Variants in SNIP1 observed in about 807,000 individuals in gnomAD.
The protein encoded by SNIP1 is Smad nuclear interacting protein 1.
A neutral mutation model predicts 37.4 loss-of-function variants in SNIP1; 23 were observed. The ratio of observed to expected loss-of-function variants is 0.61; its 90% CI spans 0.44 to 0.87. The LOEUF (loss-of-function observed/expected upper bound fraction) is 0.87, where lower values mean the gene tolerates loss of function less well. Ranked by LOEUF, SNIP1 falls within the 40% of genes least tolerant of loss-of-function variation. The probability of loss-of-function intolerance (pLI) is 0.00; values close to 1 mark genes in which losing one functional copy is unlikely to be tolerated. For missense variants in SNIP1, 459 were observed against 540.4 expected, an observed-to-expected ratio of 0.85 and a Z score of 1.49; for synonymous variants, 174 against 200.0, an observed-to-expected ratio of 0.87 and a Z score of 1.10.
chr1:37,550,489 C>T (rs1222839846), intron 2 of SNIP1, among the ~76,000 whole-genome samples: 3 of 149,384 alleles, frequency 2.0e-5, no homozygotes, highest in Non-Finnish European at 4.5e-5. Flanking sequence ...GGTGAATCAC[C>T]AGAGGTCAGG....
Position 37,538,017 on chromosome 1 carries a change from C to T in SNIP1, c.927-5G>A. The stretch of plus-strand genomic sequence containing the variant: ...GCACGGGTATATTCCACAAGCCTAG[C>T]AGAAAAAAAGGAGAAACCTGTGAGC... On this transcript the variant is annotated splice_polypyrimidine_tract_variant and splice_region_variant and intron_variant, in intron 3 of 3. Transcript: ENST00000296215. The T allele has an allele frequency of 6.3e-7, 1 of 1,576,494 alleles. No homozygotes were observed. Among genetic ancestry groups the T allele is most frequent in the East Asian group, 2.2e-5 (1 of 44,570 alleles).
rs1202288533 is a variant in SNIP1, at chr1:37,540,573, C to G, written c.510G>C (p.Gln170His). The G allele has an allele frequency of 3.7e-6, 6 of 1,614,136 alleles. No individual in the cohort carries two copies. The highest frequency in any genetic ancestry group is 5.1e-6 in the Non-Finnish European group (6 of 1,180,032). ...GQGQGRDRDT[Q>H]NLQAQEEERE... is the part of the protein sequence containing the mutation. ...GCTCTTCTTCCTGAGCCTGCAGGTT[C>G]TGAGTGTCTCGATCCCGTCCCTGAC... Residue 170 changes from glutamine (Q) to histidine (H), a missense_variant, in exon 3 of 4, where the codon CAG (glutamine) becomes CAC (histidine). Physicochemically the swap from Gln to His is conservative, Grantham distance 24. Coordinates refer to ENST00000296215, the MANE Select transcript of SNIP1 (RefSeq NM_024700.4). This position sits in a 1 kb window ranked among gnomAD's most constrained non-coding sequence, Gnocchi z 5.6.
intron 2 of SNIP1, among the ~76,000 whole-genome samples, chr1:37,542,847 G>A (rs919051310): frequency 1.3e-5 from 2 of 152,134 alleles, no homozygotes; most frequent in African/African-American, 4.8e-5. Flanking sequence ...GGAAGCCAAG[G>A]CAGGAGAACT....
chr1:37,553,333 C>T (rs1326923831), intron 1 of SNIP1, among the ~76,000 whole-genome samples: 1 of 152,200 alleles, frequency 6.6e-6, no homozygotes, highest in Non-Finnish European at 1.5e-5. Flanking sequence ...GTCCTCCTCC[C>T]TCTTCTCTCC....
intron 3 of SNIP1, among the ~76,000 whole-genome samples, chr1:37,539,409 A>G (rs1643141076): frequency 2.6e-5 from 4 of 152,118 alleles, no homozygotes. Flanking sequence ...AGACCATGTT[A>G]AAAAACAAAC....
chr1:37,546,682 A>C (rs1444798296), intron 2 of SNIP1, among the ~76,000 whole-genome samples: 5 of 152,170 alleles, frequency 3.3e-5, no homozygotes, highest in Admixed American at 3.3e-4. Flanking sequence ...TCAAAAAAAA[A>C]GAGAAAGAAA....
chr1:37,552,231 G>A (rs754142677), intron 2 of SNIP1, among the ~76,000 whole-genome samples: 22 of 152,202 alleles, frequency 1.4e-4, no homozygotes, highest in Non-Finnish European at 2.9e-4. Context: ...GATAAAAGTG[G>A]GAGATAAGTG....
At chr1:37,553,915 C>A in intron 1 of SNIP1, 91 bp downstream of exon 1, 3 of 1,332,846 alleles carry the variant, frequency 2.3e-6, no homozygotes, top group Non-Finnish European at 3.1e-6. Flanking sequence ...CTGCTGCGCC[C>A]ACCATTCAAA....
rs1643069151 is a variant in SNIP1, at chr1:37,535,016, G to A, written c.*2732C>T. 1 of 148,252 alleles carries A rather than the reference G, an allele frequency of 6.7e-6. No individual in the cohort carries two copies. Among genetic ancestry groups the A allele is most frequent in the Non-Finnish European group, 1.5e-5 (1 of 67,410 alleles). The allele number at this position is 148,252 out of a possible 1,614,324, so 9.2% of individuals were successfully genotyped here. A position where few individuals can be genotyped will look rare whatever the true frequency, so the allele number is the denominator to read the frequency against. On this transcript the variant is annotated 3_prime_UTR_variant, in exon 4 of 4. Coordinates refer to ENST00000296215, the MANE Select transcript of SNIP1 (RefSeq NM_024700.4). ...ATATCTGGCTTTAGAGGCAGGTAATGTCTTTTGACACCCTTTCTTCAAAGA... is the reference window on the plus strand; with the variant it reads ...ATATCTGGCTTTAGAGGCAGGTAATATCTTTTGACACCCTTTCTTCAAAGA...
Position 37,536,175 on chromosome 1 carries a change from A to C in SNIP1, c.*1573T>G, listed in dbSNP as rs1349744520. 6.6e-6 allele frequency: 1 copy of C among 152,212 alleles called. No individual in the cohort carries two copies. Among genetic ancestry groups the C allele is most frequent in the Admixed American group, 6.5e-5 (1 of 15,276 alleles). 9.4% of individuals were successfully genotyped at this position (152,212 alleles called of 1,614,324 possible). Reference sequence around the variant, plus strand: ...TGTTCACTTTTCAAAGGATCTTTTAACTTCTTCTGAATGAACATTAGTCAG... The same window carrying C: ...TGTTCACTTTTCAAAGGATCTTTTACCTTCTTCTGAATGAACATTAGTCAG... On this transcript the variant is annotated 3_prime_UTR_variant, in exon 4 of 4. Transcript: ENST00000296215.
At chr1:37,544,234 C>T (rs894905953) in intron 2 of SNIP1, among the ~76,000 whole-genome samples, 5 of 151,394 alleles carry the variant, frequency 3.3e-5, no homozygotes, top group Non-Finnish European at 1.5e-5. Flanking sequence ...ATCACAAGGT[C>T]AGGAGTTCAA....
At chr1:37,545,768 G>C (rs1230363629) in intron 2 of SNIP1, among the ~76,000 whole-genome samples, 1 of 151,194 alleles carries the variant, frequency 6.6e-6, no homozygotes, top group Non-Finnish European at 1.5e-5. Context: ...GACCAGCCTG[G>C]GTAACATAGT....
chr1:37,541,902 C>T (rs1643178844), intron 2 of SNIP1, among the ~76,000 whole-genome samples: 1 of 152,182 alleles, frequency 6.6e-6, no homozygotes, highest in African/African-American at 2.4e-5. Context: ...GTATGAGGTA[C>T]AACAGCAAAA....
In SNIP1 at chr1:37,540,262, T is replaced by C. The variant is rs1643157349; in HGVS notation, c.821A>G (p.Tyr274Cys). The C allele has an allele frequency of 1.2e-6, 2 of 1,614,038 alleles. No individual in the cohort carries two copies. The highest frequency in any genetic ancestry group is 1.3e-5 in the African/African-American group (1 of 74,896). Residue 274 changes from tyrosine (Y) to cysteine (C), a missense_variant, in exon 3 of 4, where the codon TAC becomes TGC. Tyr to Cys is a radical substitution (Grantham distance 194). Transcript: ENST00000296215. This position sits in a 1 kb window ranked among gnomAD's most constrained non-coding sequence, Gnocchi z 5.6. ...FKNDEVLPVM[Y>C]IHRQSAYLLG... ...TAGGTACGCACTCTGTCGATGTATGTACATGACTGGAAGCACCTCATCATT... is the reference window on the plus strand; with the variant it reads ...TAGGTACGCACTCTGTCGATGTATGCACATGACTGGAAGCACCTCATCATT...
chr1:37,541,780 G>A (rs1013386386), intron 2 of SNIP1, among the ~76,000 whole-genome samples: 1 of 151,842 alleles, frequency 6.6e-6, no homozygotes, highest in African/African-American at 2.4e-5. Context: ...GGATAGTACC[G>A]AACCTGACTG....
In SNIP1 at chr1:37,554,103, G is replaced by A; in HGVS notation, c.127C>T (p.His43Tyr). 6.2e-7 allele frequency: 1 copy of A among 1,611,840 alleles called. No individual in the cohort carries two copies. Among genetic ancestry groups the A allele is most frequent in the Non-Finnish European group, 8.5e-7 (1 of 1,179,258 alleles). Residue 43 changes from histidine to tyrosine, a missense_variant, in exon 1 of 4, where the codon CAC (histidine) becomes TAC (tyrosine). Coordinates refer to ENST00000296215, the MANE Select transcript of SNIP1 (RefSeq NM_024700.4). ...CCACCGGAGTGGTCCGGACGGCGGT[G>A]GGCGGGAGGTGCGACTTCTGGGCTG... ...RLSPEVAPPAHRRPDHSGGSP... is the reference protein window; with the variant it reads ...RLSPEVAPPAYRRPDHSGGSP...
chr1:37,545,843 G>C (rs1206737317), intron 2 of SNIP1, among the ~76,000 whole-genome samples: 1 of 151,974 alleles, frequency 6.6e-6, no homozygotes, highest in East Asian at 1.9e-4. Flanking sequence ...AAAAATTTAG[G>C]TGACTCCACA....
At chr1:37,541,294 C>A (rs560243136) in intron 2 of SNIP1, 3 of 152,122 alleles carry the variant, frequency 2.0e-5, no homozygotes, top group Admixed American at 6.6e-5. Flanking sequence ...TGTAAAAATT[C>A]ATTAAAATAA....
chr1:37,550,699 C>T (rs997945234), intron 2 of SNIP1, among the ~76,000 whole-genome samples: 3 of 150,546 alleles, frequency 2.0e-5, no homozygotes, highest in Non-Finnish European at 4.4e-5. Context: ...AAGAGTGAAA[C>T]TCCGTCTCAA....
Sources: allele counts gnomAD v4.1 joint callset (sites outside exome capture counted in the v4.1 genomes callset), GRCh38; gene constraint gnomAD v4.1.1; non-coding constraint Gnocchi (gnomAD v3.1); transcripts MANE v1.5; gene names NCBI Gene and HGNC (gene_info 2026-07-23, HGNC 2026-07-21).